The following GLYATL1 variants were observed in gnomAD, a reference collection of about 807,000 sequenced individuals.
GLYATL1 encodes glycine-N-acyltransferase like 1, also known as glycine N-acyltransferase-like protein 1.
In GLYATL1, 15 loss-of-function variants were observed where a neutral mutation model predicts 20.0. The observed-to-expected ratio is 0.75, with a 90% CI of 0.50 to 1.15. The LOEUF is 1.15. Among genes scored for constraint, GLYATL1 ranks in the 50% most tolerant of loss-of-function variants. GLYATL1 has a pLI of 0.00. For missense variants in GLYATL1, 380 were observed against 368.5 expected (o/e 1.03, Z -0.26); for synonymous variants, 151 against 131.5 (o/e 1.15, Z -1.01).
chr11:58,929,997 A>G (rs1855541129), intron 1 of GLYATL1, among the ~76,000 whole-genome samples: 1 of 152,174 alleles, frequency 6.6e-6, no homozygotes, highest in Non-Finnish European at 1.5e-5. Context: ...CTTGGAAGCC[A>G]TTTTGAATAT....
intron 4 of GLYATL1, among the ~76,000 whole-genome samples, chr11:58,948,951 A>G (rs1371659930): frequency 6.6e-6 from 1 of 152,210 alleles, no homozygotes; most frequent in Non-Finnish European, 1.5e-5. Flanking sequence ...ATCCGTTAAA[A>G]TGGGGAAAAT....
intron 1 of GLYATL1, among the ~76,000 whole-genome samples, chr11:58,918,363 G>C (rs980065603): frequency 1.3e-5 from 2 of 152,192 alleles, no homozygotes; most frequent in Non-Finnish European, 2.9e-5. Flanking sequence ...TTCTATAATG[G>C]CTTTCCCATT....
At chr11:58,947,320 C>A in intron 3 of GLYATL1, 155 bp downstream of exon 3, 1 of 1,079,654 alleles carries the variant, frequency 9.3e-7, no homozygotes, top group East Asian at 2.6e-5. Flanking sequence ...TCAAGAGCTG[C>A]TGCTTCTCTT....
chr11:58,932,740 GCAAAA>G (rs995920297), intron 1 of GLYATL1, among the ~76,000 whole-genome samples: 1 of 152,130 alleles, frequency 6.6e-6, no homozygotes, highest in African/African-American at 2.4e-5. Flanking sequence ...ATCAAACCAA[GCAAAA>G]CAAAAGTTTA....
rs1166630889 is a variant in GLYATL1 at position 58,939,539 on chromosome 11, A to G, written c.-278A>G. 3 of 152,088 alleles carry G rather than the reference A, an allele frequency of 2.0e-5. No homozygotes were observed. The highest frequency in any genetic ancestry group is 2.9e-5 in the Non-Finnish European group (2 of 68,032). The allele number at this position is 152,088 out of a possible 1,614,324, so 9.4% of individuals were successfully genotyped here. A position where few individuals can be genotyped will look rare whatever the true frequency, so the allele number is the denominator to read the frequency against. On this transcript the variant is annotated 5_prime_UTR_variant, in exon 1 of 7. Coordinates refer to ENST00000532726, the MANE Select transcript of GLYATL1 (RefSeq NM_001389712.2). ...AGAACTACTAAGCAGCTGCTTACCC[A>G]ATTTTGGCTGGAGAGATAAGTACCC...
intron 1 of GLYATL1, among the ~76,000 whole-genome samples, chr11:58,942,852 G>A (rs1856265392): frequency 6.6e-6 from 1 of 152,156 alleles, no homozygotes; most frequent in Non-Finnish European, 1.5e-5. Flanking sequence ...GTCCACAGAG[G>A]AGACTGAGAA....
At chr11:58,905,782 G>A in intron 1 of GLYATL1, 1 of 385,786 alleles carries the variant, frequency 2.6e-6, no homozygotes, top group Non-Finnish European at 5.3e-6. Flanking sequence ...CGGCCTGGCC[G>A]TCTGACCCGC....
In GLYATL1 at chr11:58,917,730, A is replaced by G. The variant is rs190772526; in HGVS notation, n.264+12069A>G. Among the ~76,000 whole-genome samples, 6 of 152,356 alleles carry G rather than the reference A, an allele frequency of 3.9e-5. No homozygotes were observed. In the East Asian group the frequency reaches 1.2e-3, roughly 29 times the overall value. ...GGATACTTGAAGTTACTAGTTACAG[A>G]AAACAGAAATCTATAAACTCATAAG... On this transcript the variant is annotated intron_variant and non_coding_transcript_variant, in intron 1 of 2. Transcript: ENST00000534674.
At chr11:58,940,775 CA>C (rs1856083574) in intron 1 of GLYATL1, among the ~76,000 whole-genome samples, 1 of 152,082 alleles carries the variant, frequency 6.6e-6, no homozygotes, top group African/African-American at 2.4e-5. Flanking sequence ...GCCTGGGAAA[CA>C]GAGACCCCCT....
chr11:58,955,999 G>T lies in GLYATL1; in HGVS notation c.881G>T (p.Cys294Phe). 1.2e-6 allele frequency: 2 copies of T among 1,612,222 alleles called. No homozygotes were observed. The highest frequency in any genetic ancestry group is 1.7e-6 in the Non-Finnish European group (2 of 1,178,352). ...EASCEWHQWT[C>F]YPQNLVPF ...TCCTGTGAGTGGCACCAATGGACTT[G>T]CTACCCACAGAATCTAGTTCCATTT... Residue 294 changes from cysteine to phenylalanine, a missense_variant, in exon 7 of 7, where the codon TGC becomes TTC. By Grantham distance (205) the Cys-to-Phe change is radical (BLOSUM62 -2). Coordinates refer to ENST00000532726, the MANE Select transcript of GLYATL1 (RefSeq NM_001389712.2).
intron 1 of GLYATL1, chr11:58,905,693 T>C (rs1190350244): frequency 5.3e-6 from 1 of 189,714 alleles, no homozygotes; most frequent in Non-Finnish European, 1.0e-5. Context: ...ACCGAGTGGT[T>C]CGGGGGAGGG....
At position 58,955,774 on chromosome 11, in the gene GLYATL1, CAT is replaced by C. The variant is rs567393709; in HGVS notation, c.657_658del (p.Trp220GlyfsTer8). 18 of 1,614,034 alleles carry C rather than the reference CAT, an allele frequency of 1.1e-5. No individual in the cohort carries two copies. The highest frequency in any genetic ancestry group is 1.5e-5 in the Non-Finnish European group (18 of 1,180,028). On this transcript the variant is annotated frameshift_variant, in exon 7 of 7. Coordinates refer to ENST00000532726, the MANE Select transcript of GLYATL1 (RefSeq NM_001389712.2). LOFTEE classifies it low-confidence loss of function (END_TRUNC). ...CTCGGCCCAGAGGGAGTCCCGGTCT[CAT>C]GGGTAACCATGGACCCTTCTTGTGA...
Position 58,933,011 on chromosome 11 carries a change from T to A in GLYATL1, c.-212+5182T>A, listed in dbSNP as rs535437870. ...ATGTAGAATATGTTTCATAGTTTTT[T>A]AAAAACACAGTGTATAAGAGGTAAA... On this transcript the variant is annotated intron_variant, in intron 1 of 7. Coordinates refer to the GLYATL1 transcript ENST00000317391. Among the ~76,000 whole-genome samples the A allele has an allele frequency of 7.0e-4, 106 of 152,324 alleles. 1 individual carries two copies. In the South Asian group the frequency reaches 7.2e-3, roughly 10 times the overall value.
chr11:58,927,063 A>AT (rs1444040867), upstream of GLYATL1, among the ~76,000 whole-genome samples: 1 of 152,212 alleles, frequency 6.6e-6, no homozygotes, highest in East Asian at 1.9e-4. Context: ...AGGGCACAAT[A>AT]TTTTCACCTT....
At chr11:58,925,502 C>A (rs1029955533), upstream of GLYATL1, among the ~76,000 whole-genome samples, 2 of 152,078 alleles carry the variant, frequency 1.3e-5, no homozygotes, top group African/African-American at 4.8e-5. Flanking sequence ...TTTCCTTCTT[C>A]CCACTTTCTT....
intron 3 of GLYATL1, 136 bp downstream of exon 3, chr11:58,947,301 G>A: frequency 1.6e-6 from 2 of 1,216,480 alleles, no homozygotes; most frequent in Non-Finnish European, 1.1e-6. Context: ...TGGGGGCACA[G>A]GCTGCATATC....
At chr11:58,931,498 C>G (rs1565122759) in intron 1 of GLYATL1, among the ~76,000 whole-genome samples, 1 of 152,152 alleles carries the variant, frequency 6.6e-6, no homozygotes, top group Non-Finnish European at 1.5e-5. Context: ...ACAATTCAGT[C>G]AGCATCACTG....
chr11:58,955,580 AGTT>A (rs759264179), intron 6 of GLYATL1, 27 bp from the exon 7 acceptor site: 24 of 1,603,296 alleles, frequency 1.5e-5, no homozygotes, highest in African/African-American at 2.7e-5. Flanking sequence ...TGGGGATGAA[AGTT>A]GTTGTCTTTC....
chr11:58,905,599 C>G, exon 1 of GLYATL1: 2 of 456,310 alleles, frequency 4.4e-6, no homozygotes, highest in Non-Finnish European at 8.8e-6. Context: ...TTGGCTTCCA[C>G]TGGGAGACAG....
Sources: allele counts gnomAD v4.1 joint callset (sites outside exome capture counted in the v4.1 genomes callset), GRCh38; gene constraint gnomAD v4.1.1; transcripts MANE v1.5; gene names NCBI Gene and HGNC (gene_info 2026-07-23, HGNC 2026-07-21).